The following PRIMPOL variants were observed in gnomAD, a reference collection of about 807,000 sequenced individuals.
PRIMPOL encodes DNA-directed primase/polymerase protein.
In PRIMPOL, 54 loss-of-function variants were observed where a neutral mutation model predicts 63.6. The ratio of observed to expected loss-of-function variants is 0.85; its 90% CI spans 0.68 to 1.07. PRIMPOL has a LOEUF of 1.07. Among genes scored for constraint, PRIMPOL ranks in the 50% least tolerant of loss-of-function variants. The probability of loss-of-function intolerance (pLI) is 0.00; values close to 1 mark genes in which losing one functional copy is unlikely to be tolerated. For synonymous variants in PRIMPOL, 197 were observed against 220.2 expected (o/e 0.89, Z 0.93); for missense variants, 610 against 648.3 (o/e 0.94, Z 0.64).
chr4:184,671,652 G>T (rs1751656186), intron 6 of PRIMPOL, among the ~76,000 whole-genome samples: 1 of 151,588 alleles, frequency 6.6e-6, no homozygotes, highest in Non-Finnish European at 1.5e-5. Context: ...TCTCACACCA[G>T]GCTCCCAAGT....
In PRIMPOL at chr4:184,687,272, T is replaced by C. The variant is rs138913179; in HGVS notation, c.1295+1588T>C. Among the ~76,000 whole-genome samples the C allele has an allele frequency of 8.9e-3, 1,354 of 152,278 alleles. 18 individuals carry two copies. Among genetic ancestry groups the C allele is most frequent in the African/African-American group, 0.031 (1,299 of 41,566 alleles). On this transcript the variant is annotated intron_variant, in intron 11 of 13. Coordinates refer to ENST00000314970, the MANE Select transcript of PRIMPOL (RefSeq NM_152683.4). Reference sequence around the variant, plus strand: ...TTTTAGTAGAGACGGAGTTTCACTATGTTGGCTGGGCTGGTCTCAAACTCC... The same window carrying C: ...TTTTAGTAGAGACGGAGTTTCACTACGTTGGCTGGGCTGGTCTCAAACTCC...
chr4:184,674,950 C>G (rs1317482997), intron 7 of PRIMPOL, among the ~76,000 whole-genome samples: 2 of 152,206 alleles, frequency 1.3e-5, no homozygotes, highest in African/African-American at 4.8e-5. Flanking sequence ...GGGAGCACCT[C>G]CAGCATCACG....
At chr4:184,663,890 T>C (rs1212802231) in intron 5 of PRIMPOL, among the ~76,000 whole-genome samples, 2 of 152,208 alleles carry the variant, frequency 1.3e-5, no homozygotes, top group African/African-American at 4.8e-5. Flanking sequence ...AGTCTTACTG[T>C]GAGGAGGCAT....
At chr4:184,661,984 T>C (rs980226334) in intron 5 of PRIMPOL, 81 bp downstream of exon 5, 1 of 1,309,368 alleles carries the variant, frequency 7.6e-7, no homozygotes, top group Non-Finnish European at 1.1e-6. Flanking sequence ...GCCTACATAA[T>C]AGTAGGTTCT....
intron 5 of PRIMPOL, among the ~76,000 whole-genome samples, chr4:184,663,026 T>TATTATTATC (rs1182781745): frequency 1.4e-5 from 2 of 139,260 alleles, no homozygotes; most frequent in Non-Finnish European, 3.0e-5. Flanking sequence ...CCTTTATTAT[T>TATTATTATC]ATTATTATTA....
intron 11 of PRIMPOL, among the ~76,000 whole-genome samples, chr4:184,691,063 A>C (rs1367383990): frequency 6.6e-6 from 1 of 152,234 alleles, no homozygotes; most frequent in Non-Finnish European, 1.5e-5. Flanking sequence ...TATTAGATCA[A>C]ACTTCTTAAT....
intron 2 of PRIMPOL, among the ~76,000 whole-genome samples, chr4:184,656,155 G>C (rs1746375625): frequency 6.6e-6 from 1 of 152,160 alleles, no homozygotes; most frequent in African/African-American, 2.4e-5. Flanking sequence ...TGAGGCTAGA[G>C]TTATGGCATG....
chr4:184,680,967 T>C (rs1027103147), intron 8 of PRIMPOL, among the ~76,000 whole-genome samples: 1 of 152,142 alleles, frequency 6.6e-6, no homozygotes, highest in African/African-American at 2.4e-5. Flanking sequence ...AAAAGCAACA[T>C]TGTTAGTTCT....
At chr4:184,651,621 C>G (rs181818607) in intron 1 of PRIMPOL, among the ~76,000 whole-genome samples, 2 of 152,278 alleles carry the variant, frequency 1.3e-5, no homozygotes, top group East Asian at 1.9e-4. Context: ...TTTCTGGTTT[C>G]CTGTAAATCA....
chr4:184,683,482 C>A (rs995208220), intron 9 of PRIMPOL, among the ~76,000 whole-genome samples: 1 of 151,130 alleles, frequency 6.6e-6, no homozygotes, highest in Admixed American at 6.6e-5. Flanking sequence ...TGGTGTTTTT[C>A]AAAAAACTAC....
At chr4:184,656,767 A>T (rs1488856732) in intron 2 of PRIMPOL, among the ~76,000 whole-genome samples, 1 of 152,182 alleles carries the variant, frequency 6.6e-6, no homozygotes, top group Non-Finnish European at 1.5e-5. Flanking sequence ...TAATTTAGAG[A>T]TTGCTTATGT....
At chr4:184,676,410 C>CCCTTT (rs1199107996) in intron 7 of PRIMPOL, among the ~76,000 whole-genome samples, 1 of 94,992 alleles carries the variant, frequency 1.1e-5, no homozygotes, top group Non-Finnish European at 2.0e-5. Context: ...CCCTTCCCTT[C>CCCTTT]TCCCTTCCCT....
intron 11 of PRIMPOL, 102 bp downstream of exon 11, chr4:184,685,786 A>C (rs1756829605): frequency 1.7e-6 from 1 of 589,430 alleles, no homozygotes; most frequent in Non-Finnish European, 2.7e-6. Flanking sequence ...TTTTAAAAAT[A>C]AATTTAGTTG....
At chr4:184,650,563 T>C (rs1402918781) in intron 1 of PRIMPOL, among the ~76,000 whole-genome samples, 1 of 152,234 alleles carries the variant, frequency 6.6e-6, no homozygotes. Flanking sequence ...AATGGGGTCT[T>C]CTCCTAAGAT....
At chr4:184,681,957 A>G (rs7665753) in intron 8 of PRIMPOL, among the ~76,000 whole-genome samples, 168 of 152,334 alleles carry the variant, frequency 1.1e-3, no homozygotes, top group African/African-American at 3.9e-3. Flanking sequence ...ACAGGGCTTC[A>G]GCAGTCCTAG....
intron 13 of PRIMPOL, among the ~76,000 whole-genome samples, chr4:184,692,723 T>C (rs2150179905): frequency 6.6e-6 from 1 of 152,220 alleles, no homozygotes; most frequent in East Asian, 1.9e-4. Flanking sequence ...CCATAAAAAG[T>C]ATAGGATATT....
intron 2 of PRIMPOL, among the ~76,000 whole-genome samples, chr4:184,654,815 A>G (rs977697204): frequency 6.6e-6 from 1 of 152,060 alleles, no homozygotes; most frequent in African/African-American, 2.4e-5. Flanking sequence ...TTCCCTAAGC[A>G]TACCTGTTAT....
intron 13 of PRIMPOL, 36 bp downstream of exon 13, chr4:184,691,748 G>C: frequency 6.6e-7 from 1 of 1,522,368 alleles, no homozygotes. Flanking sequence ...TCCTTACCAG[G>C]GAGTTCTTGG....
At chr4:184,669,594 G>A (rs1473266704) in intron 6 of PRIMPOL, among the ~76,000 whole-genome samples, 10 of 152,204 alleles carry the variant, frequency 6.6e-5, no homozygotes, top group Non-Finnish European at 1.3e-4. Flanking sequence ...AAATTTGTGA[G>A]GTACCAGCAG....
Sources: gnomAD v4.1 joint callset for allele counts (sites outside exome capture counted in the v4.1 genomes callset) on GRCh38, gnomAD v4.1.1 for gene constraint, MANE v1.5 for transcripts, NCBI Gene and HGNC (gene_info 2026-07-23, HGNC 2026-07-21) for gene names.